Variants in NTM observed in about 807,000 individuals in gnomAD.
NTM encodes IgLON family member 2.
A neutral mutation model predicts 42.1 loss-of-function variants in NTM; 13 were observed. That is an observed-to-expected ratio of 0.31 (90% CI 0.20 to 0.49). The LOEUF is 0.49. Ranked by LOEUF, NTM falls within the 20% of genes least tolerant of loss-of-function variation. NTM has a pLI of 0.99. For missense variants in NTM, 373 were observed against 452.8 expected, an observed-to-expected ratio of 0.82 and a Z score of 1.60; for synonymous variants, 187 against 179.2, an observed-to-expected ratio of 1.04 and a Z score of -0.35.
At chr11:132,144,912 T>A (rs905458467) in intron 2 of NTM, among the ~76,000 whole-genome samples, 2 of 152,334 alleles carry the variant, frequency 1.3e-5, no homozygotes, top group South Asian at 4.1e-4. Flanking sequence ...TAAGTGATCC[T>A]TACATAATGT....
chr11:131,809,638 T>G (rs1262688832), intron 1 of NTM, among the ~76,000 whole-genome samples: 1 of 152,222 alleles, frequency 6.6e-6, no homozygotes, highest in Non-Finnish European at 1.5e-5. Context: ...TCAGTTTTGT[T>G]GCTGTGAAAT....
chr11:131,454,636 G>A (rs1343346581), intron 1 of NTM, among the ~76,000 whole-genome samples: 4 of 152,108 alleles, frequency 2.6e-5, no homozygotes, highest in Non-Finnish European at 4.4e-5. Context: ...CAAAGCACAC[G>A]TTTGCCGGTG....
intron 1 of NTM, among the ~76,000 whole-genome samples, chr11:131,740,498 A>G (rs1163392758): frequency 1.3e-5 from 2 of 152,228 alleles, no homozygotes; most frequent in Non-Finnish European, 1.5e-5. Flanking sequence ...TAGGACACTA[A>G]TTAAACGATG....
intron 3 of NTM, among the ~76,000 whole-genome samples, chr11:132,160,862 C>T (rs1378176857): frequency 6.6e-6 from 1 of 152,148 alleles, no homozygotes; most frequent in East Asian, 1.9e-4. Flanking sequence ...AAAAGCATCC[C>T]CCGCAGGCAG....
intron 1 of NTM, among the ~76,000 whole-genome samples, chr11:131,761,890 G>C (rs757573952): frequency 4.6e-5 from 7 of 150,712 alleles, no homozygotes; most frequent in Non-Finnish European, 1.0e-4. Context: ...GAGCGCGCAT[G>C]CTCTCTCTGT....
intron 3 of NTM, among the ~76,000 whole-genome samples, chr11:132,188,133 A>C (rs896295453): frequency 5.3e-5 from 8 of 152,080 alleles, no homozygotes; most frequent in African/African-American, 1.7e-4. Context: ...TCAGGGAAGA[A>C]ATTAGCATGA....
chr11:131,656,322 C>T (rs1244103953), intron 1 of NTM, among the ~76,000 whole-genome samples: 1 of 152,246 alleles, frequency 6.6e-6, no homozygotes, highest in Non-Finnish European at 1.5e-5. Flanking sequence ...TTTAAAAAGA[C>T]TTGCCTAAAA....
chr11:132,181,002 T>A (rs568357972), intron 3 of NTM, among the ~76,000 whole-genome samples: 34 of 152,282 alleles, frequency 2.2e-4, no homozygotes, highest in Admixed American at 1.1e-3. Flanking sequence ...AACTTAAGGA[T>A]CTCAGAATAA....
rs1325234987 is a variant in NTM, at chr11:132,165,861, G to A, written c.400+19347G>A. ...TTTCCTTGGAAATGTTGATTTCATT[G>A]CATTTTCCTAATATTTCATGCTTTA... On this transcript the variant is annotated intron_variant, in intron 3 of 8. Coordinates refer to ENST00000683400, the MANE Select transcript of NTM (RefSeq NM_001352005.2). 2.0e-5 allele frequency among the ~76,000 whole-genome samples: 3 copies of A among 152,046 alleles called. No individual in the cohort carries two copies. In the East Asian group the frequency reaches 5.8e-4, roughly 29 times the overall value.
At chr11:131,605,868 G>A (rs1270633354) in intron 1 of NTM, 2 of 984,014 alleles carry the variant, frequency 2.0e-6, no homozygotes, top group East Asian at 2.3e-4. Context: ...CTCACCTGAG[G>A]CAGCTTCACC....
At chr11:132,012,077 A>T (rs1456523691) in intron 2 of NTM, among the ~76,000 whole-genome samples, 1 of 152,180 alleles carries the variant, frequency 6.6e-6, no homozygotes, top group Non-Finnish European at 1.5e-5. Flanking sequence ...GGCAGAAGCG[A>T]TGCTCTTTGA....
At chr11:131,886,036 A>G (rs2050334863) in intron 1 of NTM, among the ~76,000 whole-genome samples, 1 of 152,042 alleles carries the variant, frequency 6.6e-6, no homozygotes, top group South Asian at 2.1e-4. Flanking sequence ...TCAATCTCCT[A>G]GTTTTCCCAA....
At chr11:132,274,401 T>G (rs936036622) in intron 4 of NTM, among the ~76,000 whole-genome samples, 1 of 152,102 alleles carries the variant, frequency 6.6e-6, no homozygotes, top group African/African-American at 2.4e-5. Context: ...CAAAAGTTTT[T>G]GGTTTTTGTT....
chr11:132,125,698 G>C, intron 2 of NTM, among the ~76,000 whole-genome samples: 1 of 102 alleles, frequency 9.8e-3, no homozygotes, highest in Non-Finnish European at 0.018. Flanking sequence ...TATGTGGTGT[G>C]AGTGTGGTGT....
intron 4 of NTM, among the ~76,000 whole-genome samples, chr11:132,222,259 C>T (rs1410060057): frequency 6.6e-6 from 1 of 152,188 alleles, no homozygotes; most frequent in Non-Finnish European, 1.5e-5. Context: ...TCCTCTCTTC[C>T]ACCTGGATGG....
At chr11:132,066,980 G>A (rs527255366) in intron 2 of NTM, among the ~76,000 whole-genome samples, 2 of 152,066 alleles carry the variant, frequency 1.3e-5, no homozygotes, top group Non-Finnish European at 2.9e-5. Flanking sequence ...TTTGAGACAG[G>A]GTCTTGCTCT....
chr11:131,542,748 A>G (rs986995825), intron 1 of NTM, among the ~76,000 whole-genome samples: 12 of 152,152 alleles, frequency 7.9e-5, no homozygotes, highest in African/African-American at 2.4e-4. Flanking sequence ...GTCTATATCA[A>G]TGCAGGATTT....
At chr11:131,660,744 C>T (rs979744370) in intron 1 of NTM, 15 of 648,398 alleles carry the variant, frequency 2.3e-5, no homozygotes, top group Non-Finnish European at 3.0e-5. Flanking sequence ...AGGAAAATCA[C>T]GAAGGGAGAC....
At chr11:132,239,678 C>A (rs182421534) in intron 4 of NTM, among the ~76,000 whole-genome samples, 4 of 152,260 alleles carry the variant, frequency 2.6e-5, no homozygotes, top group Admixed American at 2.6e-4. Flanking sequence ...TTATTGTACC[C>A]ATCTTGAAAA....
Sources: gnomAD v4.1 joint callset for allele counts (sites outside exome capture counted in the v4.1 genomes callset) on GRCh38, gnomAD v4.1.1 for gene constraint, MANE v1.5 for transcripts, NCBI Gene and HGNC (gene_info 2026-07-23, HGNC 2026-07-21) for gene names.